The following ALCAM variants were observed in gnomAD, a reference collection of about 807,000 sequenced individuals.
ALCAM encodes CD166 antigen.
ALCAM carries 30 observed loss-of-function variants against 70.9 expected under a neutral mutation model. That is an observed-to-expected ratio of 0.42 (90% CI 0.32 to 0.57). The LOEUF (loss-of-function observed/expected upper bound fraction) is 0.57. Ranked by LOEUF, ALCAM falls within the 20% of genes least tolerant of loss-of-function variation. The probability of loss-of-function intolerance (pLI) is 0.11; values close to 1 mark genes in which losing one functional copy is unlikely to be tolerated. For synonymous variants in ALCAM, 249 were observed against 242.5 expected (o/e 1.03, Z -0.25); for missense variants, 591 against 695.1 (o/e 0.85, Z 1.68).
Position 105,533,601 on chromosome 3 carries a change from A to T in ALCAM, c.460-2A>T, listed in dbSNP as rs1264516297. On this transcript the variant is annotated splice_acceptor_variant, in intron 4 of 15. Coordinates refer to ENST00000306107, the MANE Select transcript of ALCAM (RefSeq NM_001627.4). LOFTEE classifies it high-confidence loss of function. The stretch of plus-strand genomic sequence containing the variant: ...TAATAACATTGCCTTTTTATTTTGC[A>T]GTTGGGTGACTGCATTTCAGAAGAC... The T allele has an allele frequency of 6.2e-7, 1 of 1,610,224 alleles. No homozygotes were observed. Among genetic ancestry groups the T allele is most frequent in the African/African-American group, 1.3e-5 (1 of 74,760 alleles).
chr3:105,498,606 T>A (rs182857081), intron 1 of ALCAM, among the ~76,000 whole-genome samples: 7 of 152,304 alleles, frequency 4.6e-5, no homozygotes, highest in African/African-American at 1.4e-4. Flanking sequence ...TTGTTCCATT[T>A]GTAAAGATTC....
At chr3:105,415,357 A>T (rs1936482907) in intron 1 of ALCAM, among the ~76,000 whole-genome samples, 1 of 152,158 alleles carries the variant, frequency 6.6e-6, no homozygotes, top group Non-Finnish European at 1.5e-5. Context: ...TGTCTTTGGA[A>T]GCCCAGCAAA....
chr3:105,552,718 T>C (rs1014461085), intron 14 of ALCAM, 133 bp downstream of exon 14: 1 of 1,509,622 alleles, frequency 6.6e-7, no homozygotes, highest in African/African-American at 1.4e-5. Context: ...ATCAGGTTGA[T>C]TATATATTTT....
At chr3:105,470,534 A>G (rs1243613732) in intron 1 of ALCAM, among the ~76,000 whole-genome samples, 3 of 151,252 alleles carry the variant, frequency 2.0e-5, no homozygotes, top group African/African-American at 7.3e-5. Flanking sequence ...AATGGTCTGT[A>G]CCTAAAAAGT....
chr3:105,488,838 C>A (rs1404982061), intron 1 of ALCAM, among the ~76,000 whole-genome samples: 1 of 152,012 alleles, frequency 6.6e-6, no homozygotes, highest in Non-Finnish European at 1.5e-5. Flanking sequence ...GTAAACGGGT[C>A]GATTCACCTT....
rs916218715 is a variant in ALCAM, at chr3:105,469,075, C to T, written c.74-50992C>T. ...ATTATATGTGAGCATTGTCCTGCTTCTTCATATGTGTATCAATTCTGTATC... is the reference window on the plus strand; with the variant it reads ...ATTATATGTGAGCATTGTCCTGCTTTTTCATATGTGTATCAATTCTGTATC... On this transcript the variant is annotated intron_variant, in intron 1 of 15. Transcript: ENST00000306107. Among the ~76,000 whole-genome samples the T allele has an allele frequency of 1.5e-4, 22 of 151,186 alleles. 1 individual carries two copies. Among genetic ancestry groups the T allele is most frequent in the Admixed American group, 1.3e-3 (19 of 15,114 alleles).
intron 1 of ALCAM, among the ~76,000 whole-genome samples, chr3:105,414,448 A>C (rs777259007): frequency 6.6e-6 from 1 of 151,980 alleles, no homozygotes; most frequent in Non-Finnish European, 1.5e-5. Context: ...GTACTGTGAG[A>C]TAGAATAGGA....
intron 1 of ALCAM, among the ~76,000 whole-genome samples, chr3:105,425,760 AT>A (rs11456682): frequency 2.3e-3 from 340 of 146,494 alleles, no homozygotes; most frequent in African/African-American, 6.4e-3. Context: ...CATATTTTTA[AT>A]TTTTTTTTTT....
intron 1 of ALCAM, among the ~76,000 whole-genome samples, chr3:105,504,570 C>T (rs1169369616): frequency 6.9e-6 from 1 of 145,084 alleles, no homozygotes; most frequent in Non-Finnish European, 1.5e-5. Flanking sequence ...TTTCTGCAAG[C>T]CCACGGCCTG....
intron 1 of ALCAM, among the ~76,000 whole-genome samples, chr3:105,392,730 C>A (rs1477201955): frequency 1.3e-5 from 2 of 151,892 alleles, no homozygotes; most frequent in Admixed American, 1.3e-4. Flanking sequence ...TATAAATTTA[C>A]CTCTTAACAC....
chr3:105,542,427 T>C (rs774905378), intron 8 of ALCAM, among the ~76,000 whole-genome samples: 45 of 151,970 alleles, frequency 3.0e-4, no homozygotes, highest in Non-Finnish European at 6.2e-4. Context: ...GAGTTCTTCA[T>C]GACAGTCCAT....
At chr3:105,486,078 A>G (rs1938421069) in intron 1 of ALCAM, among the ~76,000 whole-genome samples, 1 of 152,108 alleles carries the variant, frequency 6.6e-6, no homozygotes, top group Non-Finnish European at 1.5e-5. Context: ...TAACTAAATC[A>G]TTAAAAGGGT....
intron 1 of ALCAM, among the ~76,000 whole-genome samples, chr3:105,419,537 C>T (rs1936592626): frequency 6.6e-6 from 1 of 151,742 alleles, no homozygotes; most frequent in African/African-American, 2.4e-5. Flanking sequence ...TTGCAGAGAA[C>T]ATAGCAACTG....
At chr3:105,432,154 C>T (rs1481277747) in intron 1 of ALCAM, among the ~76,000 whole-genome samples, 2 of 152,110 alleles carry the variant, frequency 1.3e-5, no homozygotes, top group African/African-American at 4.8e-5. Flanking sequence ...CATGGAAATG[C>T]TCTTTCAAAT....
At chr3:105,538,736 A>G (rs756559238) in intron 6 of ALCAM, among the ~76,000 whole-genome samples, 3 of 152,126 alleles carry the variant, frequency 2.0e-5, no homozygotes, top group Non-Finnish European at 4.4e-5. Flanking sequence ...CCAAAACCAG[A>G]TTTTATTTAC....
chr3:105,412,717 G>A (rs1936420146), intron 1 of ALCAM, among the ~76,000 whole-genome samples: 2 of 152,156 alleles, frequency 1.3e-5, no homozygotes, highest in Non-Finnish European at 2.9e-5. Context: ...ATGACGTTTT[G>A]TTTAACTTAA....
intron 14 of ALCAM, among the ~76,000 whole-genome samples, chr3:105,566,301 A>G (rs953805217): frequency 2.6e-5 from 4 of 152,228 alleles, no homozygotes; most frequent in Admixed American, 1.3e-4. Context: ...AGAAAGTGAT[A>G]TCGAATCATT....
intron 1 of ALCAM, among the ~76,000 whole-genome samples, chr3:105,449,709 T>G (rs1937380323): frequency 6.6e-6 from 1 of 152,152 alleles, no homozygotes; most frequent in African/African-American, 2.4e-5. Flanking sequence ...CAATGTCAAG[T>G]GAAGGTTGAT....
intron 1 of ALCAM, among the ~76,000 whole-genome samples, chr3:105,427,490 C>T (rs773259022): frequency 6.6e-6 from 1 of 151,892 alleles, no homozygotes; most frequent in Non-Finnish European, 1.5e-5. Context: ...TCACCATGGG[C>T]TGAAGCTAGC....
Sources: gnomAD v4.1 joint callset for allele counts (sites outside exome capture counted in the v4.1 genomes callset) on GRCh38, gnomAD v4.1.1 for gene constraint, MANE v1.5 for transcripts, NCBI Gene and HGNC (gene_info 2026-07-23, HGNC 2026-07-21) for gene names.